Variants in RGS6 observed in about 807,000 individuals in gnomAD.
RGS6 encodes the protein regulator of G protein signaling 6.
A neutral mutation model predicts 78.5 loss-of-function variants in RGS6; 30 were observed. The ratio of observed to expected loss-of-function variants is 0.38; its 90% CI spans 0.29 to 0.52. The LOEUF (loss-of-function observed/expected upper bound fraction) is 0.52, where lower values mean the gene tolerates loss of function less well. Among genes scored for constraint, RGS6 ranks in the 20% least tolerant of loss-of-function variants. The probability of loss-of-function intolerance (pLI) is 0.85; values close to 1 mark genes in which losing one functional copy is unlikely to be tolerated. For synonymous variants in RGS6, 206 were observed against 206.0 expected (o/e 1.00, Z 0.00); for missense variants, 495 against 609.7 (o/e 0.81, Z 1.98).
At chr14:72,430,513 C>A (rs1427672727) in intron 3 of RGS6, among the ~76,000 whole-genome samples, 1 of 152,198 alleles carries the variant, frequency 6.6e-6, no homozygotes, top group Non-Finnish European at 1.5e-5. Flanking sequence ...ACAACGTTCA[C>A]CTTTGTTGGC....
intron 2 of RGS6, among the ~76,000 whole-genome samples, chr14:72,007,612 T>C (rs2084821291): frequency 6.6e-6 from 1 of 152,194 alleles, no homozygotes; most frequent in Non-Finnish European, 1.5e-5. Context: ...TAGTATATTT[T>C]ATGTGCGGAC....
chr14:72,404,826 A>G (rs1379019152), intron 3 of RGS6, among the ~76,000 whole-genome samples: 2 of 152,174 alleles, frequency 1.3e-5, no homozygotes, highest in African/African-American at 2.4e-5. Flanking sequence ...TAGCGAGAGC[A>G]CCTCAGAAGT....
chr14:72,619,982 G>T, the RGS6 span: 19 of 1,533,586 alleles, frequency 1.2e-5, no homozygotes, highest in Non-Finnish European at 1.7e-5. Flanking sequence ...AGAGTAGCTG[G>T]TCCTGGTGGA....
chr14:71,950,125 G>A lies in RGS6; in HGVS notation c.-20-14647G>A, dbSNP rs142073816. 1.4e-4 allele frequency among the ~76,000 whole-genome samples: 22 copies of A among 152,060 alleles called. No homozygotes were observed. In the East Asian group the frequency reaches 4.3e-3, roughly 29 times the overall value. On this transcript the variant is annotated intron_variant, in intron 1 of 17. Coordinates refer to ENST00000553525, the MANE Select transcript of RGS6 (RefSeq NM_001204424.2). ...CACCCTCTAGTTTGTTCTTATTTAA[G>A]AATAACTTCTAAAGAACAAAGCTGG...
At chr14:72,469,589 C>T (rs2096018638) in intron 7 of RGS6, 1 of 155,406 alleles carries the variant, frequency 6.4e-6, no homozygotes, top group South Asian at 2.0e-4. Context: ...TTCCCAGCTC[C>T]CCACTGGAAG....
chr14:71,995,424 T>C (rs2095155213), intron 2 of RGS6, among the ~76,000 whole-genome samples: 1 of 152,182 alleles, frequency 6.6e-6, no homozygotes, highest in African/African-American at 2.4e-5. Flanking sequence ...AGGGTGGAAG[T>C]GATTGCCTCT....
chr14:71,901,851 C>G, the RGS6 span, among the ~76,000 whole-genome samples: 1 of 152,126 alleles, frequency 6.6e-6, no homozygotes, highest in Non-Finnish European at 1.5e-5. Context: ...TTCCAATTTC[C>G]ATGCCAATGA....
At chr14:72,424,197 G>A (rs1173370472) in intron 3 of RGS6, among the ~76,000 whole-genome samples, 1 of 152,170 alleles carries the variant, frequency 6.6e-6, no homozygotes, top group East Asian at 1.9e-4. Flanking sequence ...ACAAGGGCAG[G>A]CCAAGTATTC....
chr14:72,019,777 A>G (rs1161855861), intron 2 of RGS6, among the ~76,000 whole-genome samples: 2 of 152,186 alleles, frequency 1.3e-5, no homozygotes, highest in Non-Finnish European at 2.9e-5. Context: ...GATGGCTGAC[A>G]TTTTAATCTC....
intron 2 of RGS6, among the ~76,000 whole-genome samples, chr14:72,043,580 G>A (rs1003804203): frequency 2.0e-5 from 3 of 152,038 alleles, no homozygotes; most frequent in Non-Finnish European, 4.4e-5. Context: ...TTCTTGCATG[G>A]TTTCTAACAA....
intron 3 of RGS6, among the ~76,000 whole-genome samples, chr14:72,396,567 T>C (rs947908289): frequency 3.3e-5 from 5 of 152,162 alleles, no homozygotes; most frequent in Admixed American, 3.3e-4. Flanking sequence ...CATTTGTCAA[T>C]TTTGGCTTTT....
At chr14:72,032,888 G>A (rs1203456127) in intron 2 of RGS6, among the ~76,000 whole-genome samples, 12 of 152,036 alleles carry the variant, frequency 7.9e-5, no homozygotes, top group Non-Finnish European at 1.5e-5. Flanking sequence ...TACGAACTTG[G>A]CTATTGTGAA....
chr14:72,545,494 G>A (rs1327332545), intron 17 of RGS6, among the ~76,000 whole-genome samples: 1 of 152,098 alleles, frequency 6.6e-6, no homozygotes, highest in Non-Finnish European at 1.5e-5. Flanking sequence ...AAATGACTTG[G>A]ACTAGGTCGT....
intron 2 of RGS6, among the ~76,000 whole-genome samples, chr14:72,161,868 ATTTTCTTTG>A (rs2096858011): frequency 6.6e-6 from 1 of 152,120 alleles, no homozygotes; most frequent in Non-Finnish European, 1.5e-5. Flanking sequence ...TGGTGCTTCT[ATTTTCTTTG>A]TTTTCTTCTT....
chr14:72,333,401 CGTTG>C (rs2075429303), intron 2 of RGS6, among the ~76,000 whole-genome samples: 1 of 152,144 alleles, frequency 6.6e-6, no homozygotes, highest in African/African-American at 2.4e-5. Flanking sequence ...GGGGGACCTG[CGTTG>C]GTATCTCACT....
At chr14:72,486,829 G>T (rs971546433) in intron 12 of RGS6, among the ~76,000 whole-genome samples, 1 of 152,218 alleles carries the variant, frequency 6.6e-6, no homozygotes, top group African/African-American at 2.4e-5. Context: ...AGCAAGGAAA[G>T]GGTAAGGAGT....
At position 72,463,909 on chromosome 14, in the gene RGS6, G is replaced by A. The variant is rs191346487; in HGVS notation, c.395-1849G>A. Among the ~76,000 whole-genome samples the A allele has an allele frequency of 2.7e-3, 414 of 152,232 alleles. 2 individuals carry two copies. Among genetic ancestry groups the A allele is most frequent in the African/African-American group, 9.7e-3 (402 of 41,524 alleles). Reference sequence around the variant, plus strand: ...GGTTCATTGGAAAAGTTGGTAAGTAGAAAATCATTTTTAAAACGACATATG... The same window carrying A: ...GGTTCATTGGAAAAGTTGGTAAGTAAAAAATCATTTTTAAAACGACATATG... On this transcript the variant is annotated intron_variant, in intron 6 of 17. Coordinates refer to ENST00000553525, the MANE Select transcript of RGS6 (RefSeq NM_001204424.2).
chr14:71,949,682 G>A (rs2092061914), intron 1 of RGS6, among the ~76,000 whole-genome samples: 1 of 151,596 alleles, frequency 6.6e-6, no homozygotes, highest in Non-Finnish European at 1.5e-5. Flanking sequence ...TAACTTATCA[G>A]TCTCTTTCTT....
intron 2 of RGS6, among the ~76,000 whole-genome samples, chr14:72,129,000 C>T (rs7140634): frequency 0.69 from 104,532 of 152,004 alleles, 37,660 homozygotes; most frequent in Non-Finnish European, 0.8. Context: ...CAGCAGTTTT[C>T]TTTTAAAAAA....
Sources: allele counts gnomAD v4.1 joint callset (sites outside exome capture counted in the v4.1 genomes callset), GRCh38; gene constraint gnomAD v4.1.1; transcripts MANE v1.5; gene names NCBI Gene and HGNC (gene_info 2026-07-23, HGNC 2026-07-21).